LUZP2: variants seen among roughly 807,000 people sequenced by gnomAD.
LUZP2 encodes the protein leucine zipper protein 2.
In LUZP2, 52 loss-of-function variants were observed where a neutral mutation model predicts 51.6. That is an observed-to-expected ratio of 1.01 (90% CI 0.81 to 1.27). The LOEUF is 1.27. Among genes scored for constraint, LUZP2 ranks in the 50% most tolerant of loss-of-function variants. LUZP2 has a pLI of 0.00. For missense variants in LUZP2, 436 were observed against 395.4 expected, an observed-to-expected ratio of 1.10 and a Z score of -0.87; for synonymous variants, 154 against 137.3, an observed-to-expected ratio of 1.12 and a Z score of -0.85.
chr11:25,073,782 A>G (rs538850429), intron 10 of LUZP2, among the ~76,000 whole-genome samples: 1 of 152,220 alleles, frequency 6.6e-6, no homozygotes, highest in East Asian at 1.9e-4. Context: ...GTGTCAACTG[A>G]TCATAAATAT....
At chr11:25,057,493 G>A (rs1393046855) in intron 10 of LUZP2, among the ~76,000 whole-genome samples, 2 of 152,134 alleles carry the variant, frequency 1.3e-5, no homozygotes, top group Non-Finnish European at 2.9e-5. Context: ...TAATATTGGA[G>A]TCACATTGAG....
intron 1 of LUZP2, among the ~76,000 whole-genome samples, chr11:24,700,470 C>T (rs758954372): frequency 4.6e-5 from 7 of 152,162 alleles, no homozygotes; most frequent in African/African-American, 7.2e-5. Flanking sequence ...ACACTTCCTA[C>T]GCCTTTCTCT....
intron 1 of LUZP2, among the ~76,000 whole-genome samples, chr11:24,542,865 G>A (rs1291862850): frequency 6.6e-6 from 1 of 150,924 alleles, no homozygotes; most frequent in East Asian, 2.0e-4. Flanking sequence ...GGTTTCCAAA[G>A]TATTATGGGG....
chr11:24,744,255 T>C (rs1291100584), intron 4 of LUZP2, among the ~76,000 whole-genome samples: 1 of 152,170 alleles, frequency 6.6e-6, no homozygotes, highest in Non-Finnish European at 1.5e-5. Flanking sequence ...TCCCTCTTTT[T>C]CTATCTTGTG....
chr11:24,930,745 G>A (rs1044472992), intron 7 of LUZP2, among the ~76,000 whole-genome samples: 1 of 152,064 alleles, frequency 6.6e-6, no homozygotes, highest in Admixed American at 6.6e-5. Context: ...TGTTCTTTGA[G>A]GTTCTTGTAT....
At chr11:24,972,662 C>G (rs1413588475) in intron 7 of LUZP2, among the ~76,000 whole-genome samples, 1 of 151,936 alleles carries the variant, frequency 6.6e-6, no homozygotes, top group African/African-American at 2.4e-5. Flanking sequence ...AGGCCTTTTT[C>G]TGTGTCTATT....
chr11:25,048,665 A>G (rs903605442), intron 9 of LUZP2, among the ~76,000 whole-genome samples: 5 of 152,138 alleles, frequency 3.3e-5, no homozygotes, highest in Admixed American at 6.6e-5. Context: ...GAGAAATTAG[A>G]GGGGAGGTCA....
chr11:24,784,530 C>G (rs1387928219), intron 5 of LUZP2, among the ~76,000 whole-genome samples: 1 of 151,906 alleles, frequency 6.6e-6, no homozygotes, highest in Non-Finnish European at 1.5e-5. Context: ...TATTTCTTTT[C>G]AAAAACAAGA....
At chr11:24,909,565 A>G (rs991233301) in intron 6 of LUZP2, among the ~76,000 whole-genome samples, 5 of 152,160 alleles carry the variant, frequency 3.3e-5, no homozygotes, top group Admixed American at 3.3e-4. Flanking sequence ...CGAGTCCTAG[A>G]CAGCAGATTG....
intron 7 of LUZP2, among the ~76,000 whole-genome samples, chr11:24,950,094 A>G (rs1278885246): frequency 2.0e-5 from 3 of 150,410 alleles, no homozygotes; most frequent in Non-Finnish European, 4.5e-5. Flanking sequence ...GGAAAGTTAG[A>G]TAAGTAGATA....
Position 24,602,184 on chromosome 11 carries a change from A to G in LUZP2, c.62+104879A>G, listed in dbSNP as rs983304508. ...TATATATGTGTATATATATGTGTAT[A>G]TATGTATATATGTACATATATGTGT... is the stretch of plus-strand genomic sequence containing the variant. On this transcript the variant is annotated intron_variant, in intron 1 of 11. Coordinates refer to ENST00000336930, the MANE Select transcript of LUZP2 (RefSeq NM_001009909.4). Among the ~76,000 whole-genome samples, 4 of 138,026 alleles carry G rather than the reference A, an allele frequency of 2.9e-5. 1 individual carries two copies. The highest frequency in any genetic ancestry group is 7.8e-5 in the African/African-American group (3 of 38,636). 90.6% of individuals were successfully genotyped at this position (138,026 alleles called of 152,430 possible).
chr11:24,866,113 TACACACACACACACACACACACACAC>T (rs60308723), intron 5 of LUZP2, among the ~76,000 whole-genome samples: 3 of 146,704 alleles, frequency 2.0e-5, no homozygotes, highest in Non-Finnish European at 4.5e-5. Context: ...CTGCATTTCA[TACACACACACACACACACACACACAC>T]ACACACACAC....
At chr11:25,039,350 G>T (rs1355694551) in intron 9 of LUZP2, among the ~76,000 whole-genome samples, 4 of 152,254 alleles carry the variant, frequency 2.6e-5, no homozygotes, top group East Asian at 3.9e-4. Context: ...GTGCACTTGA[G>T]GCTACACTGT....
intron 1 of LUZP2, among the ~76,000 whole-genome samples, chr11:24,680,407 T>C (rs1856695111): frequency 6.6e-6 from 1 of 152,216 alleles, no homozygotes; most frequent in Admixed American, 6.5e-5. Flanking sequence ...GTACCCTGAA[T>C]GTGCTTCCTC....
chr11:25,008,288 A>T lies in LUZP2; in HGVS notation c.765+24995A>T, dbSNP rs575710182. ...TGGTCAATGGTGGGTAGATGAGGGA[A>T]AAGTGGTGGAACCCCAAATCTGAGA... On this transcript the variant is annotated intron_variant, in intron 9 of 11. Coordinates refer to ENST00000336930, the MANE Select transcript of LUZP2 (RefSeq NM_001009909.4). Among the ~76,000 whole-genome samples, 23 of 152,308 alleles carry T rather than the reference A, an allele frequency of 1.5e-4. No homozygotes were observed. The South Asian group carries it at 4.8e-3, about 32-fold the overall frequency.
intron 1 of LUZP2, among the ~76,000 whole-genome samples, chr11:24,618,571 G>A (rs1358698814): frequency 1.3e-5 from 2 of 152,152 alleles, no homozygotes; most frequent in African/African-American, 4.8e-5. Context: ...TTCTGTTGGA[G>A]CTTCTACTTG....
At chr11:24,883,804 T>C (rs886307186) in intron 5 of LUZP2, among the ~76,000 whole-genome samples, 3 of 152,062 alleles carry the variant, frequency 2.0e-5, no homozygotes, top group Non-Finnish European at 1.5e-5. Flanking sequence ...GTAGAACTTA[T>C]AGTTGAATTT....
At chr11:24,806,538 T>A (rs1317208831) in intron 5 of LUZP2, among the ~76,000 whole-genome samples, 2 of 152,156 alleles carry the variant, frequency 1.3e-5, no homozygotes, top group Non-Finnish European at 2.9e-5. Context: ...GGGAGGAGCA[T>A]TAAGTTCATG....
At chr11:24,949,302 A>ATCTG (rs1855003983) in intron 7 of LUZP2, among the ~76,000 whole-genome samples, 1 of 97,672 alleles carries the variant, frequency 1.0e-5, no homozygotes, top group Admixed American at 1.1e-4. Flanking sequence ...CTATCTATCT[A>ATCTG]TCTATCTATC....
Sources: allele counts gnomAD v4.1 joint callset (sites outside exome capture counted in the v4.1 genomes callset), GRCh38; gene constraint gnomAD v4.1.1; transcripts MANE v1.5; gene names NCBI Gene and HGNC (gene_info 2026-07-23, HGNC 2026-07-21).